KDM2A: variants seen among roughly 807,000 people sequenced by gnomAD.
KDM2A encodes lysine-specific demethylase 2A.
KDM2A carries 3 observed loss-of-function variants against 137.3 expected under a neutral mutation model. The ratio of observed to expected loss-of-function variants is 0.02; its 90% confidence interval spans 0.01 to 0.06. The LOEUF is 0.06. Ranked by LOEUF, KDM2A falls within the 10% of genes least tolerant of loss-of-function variation. The probability of loss-of-function intolerance (pLI) is 1.00; values close to 1 mark genes in which losing one functional copy is unlikely to be tolerated. For missense variants in KDM2A, 738 were observed against 1,510.6 expected, an observed-to-expected ratio of 0.49 and a Z score of 8.48; for synonymous variants, 512 against 541.5, an observed-to-expected ratio of 0.95 and a Z score of 0.76.
Position 67,257,393 on chromosome 11 carries a change from G to A in KDM2A, c.*2338G>A, listed in dbSNP as rs1314552079. 1 of 152,600 alleles carries A rather than the reference G, an allele frequency of 6.6e-6. No homozygotes were observed. Among genetic ancestry groups the A allele is most frequent in the African/African-American group, 2.4e-5 (1 of 41,400 alleles). 9.5% of individuals were successfully genotyped at this position (152,600 alleles called of 1,614,324 possible). ...GTGAGGGGAAATGGTTTTTAGAGGT[G>A]AGGGTTGGTCCATGTGGAGGAAAGA... On this transcript the variant is annotated 3_prime_UTR_variant, in exon 21 of 21. Transcript: ENST00000529006.
chr11:67,134,319 G>A (rs145019390), intron 2 of KDM2A, among the ~76,000 whole-genome samples: 32 of 152,214 alleles, frequency 2.1e-4, no homozygotes, highest in African/African-American at 7.2e-4. Flanking sequence ...GTAGAGGCTA[G>A]GGATGCTGCT....
At chr11:67,172,463 G>T (rs1209631628) in intron 2 of KDM2A, among the ~76,000 whole-genome samples, 1 of 151,964 alleles carries the variant, frequency 6.6e-6, no homozygotes, top group Non-Finnish European at 1.5e-5. Context: ...ACAATGCTTT[G>T]TAGCTTTCTG....
Position 67,201,525 on chromosome 11 carries a change from G to T in KDM2A, c.308-5985G>T, listed in dbSNP as rs139225034. On this transcript the variant is annotated intron_variant, in intron 5 of 20. Coordinates refer to ENST00000529006, the MANE Select transcript of KDM2A (RefSeq NM_012308.3). ...GTGGCTCACGCCTGTAATCCTAGCA[G>T]TTTGGGAGGCCAAGGTGGGCAGATC... 3.8e-3 allele frequency among the ~76,000 whole-genome samples: 579 copies of T among 151,778 alleles called. 6 individuals are homozygous for T. The highest frequency in any genetic ancestry group is 3.2e-3 in the Non-Finnish European group (219 of 67,910).
intron 2 of KDM2A, among the ~76,000 whole-genome samples, chr11:67,159,485 T>C (rs1856590204): frequency 1.3e-5 from 2 of 152,202 alleles, no homozygotes; most frequent in Non-Finnish European, 2.9e-5. Context: ...GGCAAGAATG[T>C]TTCCCAGATG....
chr11:67,138,284 T>C (rs189286501), intron 2 of KDM2A, among the ~76,000 whole-genome samples: 3 of 152,192 alleles, frequency 2.0e-5, no homozygotes, highest in Non-Finnish European at 2.9e-5. Context: ...AAATGTGTTA[T>C]GTAGTCCTAA....
intron 5 of KDM2A, among the ~76,000 whole-genome samples, chr11:67,203,735 C>CA (rs1193762368): frequency 6.6e-6 from 1 of 150,752 alleles, no homozygotes; most frequent in African/African-American, 2.4e-5. Flanking sequence ...GCCTGGGTGA[C>CA]AGAGTGAGGC....
intron 5 of KDM2A, among the ~76,000 whole-genome samples, chr11:67,186,265 T>G (rs1857204139): frequency 6.6e-6 from 1 of 152,162 alleles, no homozygotes; most frequent in Admixed American, 6.5e-5. Flanking sequence ...ACTAAATGAT[T>G]CATTACATAA....
At chr11:67,168,958 T>G (rs1002734445) in intron 2 of KDM2A, among the ~76,000 whole-genome samples, 2 of 143,974 alleles carry the variant, frequency 1.4e-5, no homozygotes, top group Non-Finnish European at 1.5e-5. Flanking sequence ...GTAGTTTTTT[T>G]TTTTTTTTTT....
intron 6 of KDM2A, among the ~76,000 whole-genome samples, chr11:67,214,546 T>G (rs1858102352): frequency 6.6e-6 from 1 of 151,870 alleles, no homozygotes; most frequent in Non-Finnish European, 1.5e-5. Flanking sequence ...TCCATGTTGG[T>G]CAGGCTGGTC....
chr11:67,183,983 C>G (rs910999831), intron 5 of KDM2A, among the ~76,000 whole-genome samples: 3 of 151,210 alleles, frequency 2.0e-5, no homozygotes, highest in Admixed American at 6.6e-5. Context: ...GTGGCATGCA[C>G]CAATAGTCCC....
intron 17 of KDM2A, 107 bp from the exon 18 acceptor site, chr11:67,252,587 G>A: frequency 8.1e-7 from 1 of 1,233,776 alleles, no homozygotes; most frequent in Non-Finnish European, 1.2e-6. Context: ...ACTTGTAGAA[G>A]AACGAGCCTC....
intron 2 of KDM2A, among the ~76,000 whole-genome samples, chr11:67,135,687 C>T (rs1349784974): frequency 1.3e-5 from 2 of 152,150 alleles, no homozygotes; most frequent in Non-Finnish European, 2.9e-5. Context: ...CAAAGTACTT[C>T]TTTGTCTCTT....
At chr11:67,213,241 T>C (rs1238029834) in intron 6 of KDM2A, among the ~76,000 whole-genome samples, 4 of 152,190 alleles carry the variant, frequency 2.6e-5, no homozygotes, top group African/African-American at 9.7e-5. Flanking sequence ...ATCAAATACG[T>C]AGATGTTGTT....
intron 7 of KDM2A, 175 bp from the exon 8 acceptor site, chr11:67,215,681 A>T: frequency 4.5e-6 from 3 of 669,878 alleles, no homozygotes; most frequent in Non-Finnish European, 7.8e-6. Flanking sequence ...GTAGAAAAAA[A>T]AAAAACCTTT....
intron 5 of KDM2A, among the ~76,000 whole-genome samples, chr11:67,190,098 C>A (rs1857313707): frequency 6.6e-6 from 1 of 152,054 alleles, no homozygotes; most frequent in Admixed American, 6.5e-5. Context: ...AAAGAAAGAT[C>A]GAATTACTAA....
chr11:67,191,225 C>T (rs938397435), intron 5 of KDM2A, among the ~76,000 whole-genome samples: 3 of 151,984 alleles, frequency 2.0e-5, no homozygotes, highest in Admixed American at 2.0e-4. Context: ...TGGGGTTTCA[C>T]CATGTTGGCC....
At chr11:67,228,193 G>A in intron 11 of KDM2A, 30 bp downstream of exon 11, 2 of 1,611,394 alleles carry the variant, frequency 1.2e-6, no homozygotes, top group South Asian at 1.1e-5. Flanking sequence ...GAGCTTTGAA[G>A]ACACCGCTTA....
intron 7 of KDM2A, 87 bp from the exon 8 acceptor site, chr11:67,215,769 G>A: frequency 3.3e-6 from 3 of 903,588 alleles, no homozygotes; most frequent in East Asian, 2.4e-5. Context: ...GATAAAGGGA[G>A]TATATAAGAG....
At chr11:67,224,827 C>CTTTTT (rs1204370255) in intron 10 of KDM2A, among the ~76,000 whole-genome samples, 1 of 110,686 alleles carries the variant, frequency 9.0e-6, no homozygotes, top group African/African-American at 4.6e-5. Flanking sequence ...GCAGCTGCAG[C>CTTTTT]ATTTTTTTTT....
Sources: allele counts gnomAD v4.1 joint callset (sites outside exome capture counted in the v4.1 genomes callset), GRCh38; gene constraint gnomAD v4.1.1; transcripts MANE v1.5; gene names NCBI Gene and HGNC (gene_info 2026-07-23, HGNC 2026-07-21).